The following CD80 variants were observed in gnomAD, a reference collection of about 807,000 sequenced individuals.
CD80 encodes the protein T-lymphocyte activation antigen CD80.
Under a neutral mutation model 27.1 loss-of-function variants are expected in CD80, and 13 were observed. The observed-to-expected ratio is 0.48, with a 90% CI of 0.31 to 0.76. CD80 has a LOEUF of 0.76. Ranked by LOEUF, CD80 falls within the 30% of genes least tolerant of loss-of-function variation. The probability of loss-of-function intolerance (pLI) is 0.04; values close to 1 mark genes in which losing one functional copy is unlikely to be tolerated. For missense variants in CD80, 277 were observed against 347.9 expected, an observed-to-expected ratio of 0.80 and a Z score of 1.62; for synonymous variants, 125 against 125.5, an observed-to-expected ratio of 1.00 and a Z score of 0.03.
chr3:119,527,485 TAATG>T, intron 6 of CD80: 1 of 436,214 alleles, frequency 2.3e-6, no homozygotes, highest in South Asian at 5.0e-5. Context: ...GTTTAATAGA[TAATG>T]AATTGGCTGA....
chr3:119,529,337 C>A (rs540067997), intron 5 of CD80, among the ~76,000 whole-genome samples: 1 of 152,114 alleles, frequency 6.6e-6, no homozygotes, highest in Admixed American at 6.5e-5. Context: ...GAAAATGATT[C>A]TTGGCACCAA....
intron 3 of CD80, among the ~76,000 whole-genome samples, chr3:119,538,777 G>A (rs994631696): frequency 6.6e-6 from 1 of 152,206 alleles, no homozygotes; most frequent in Middle Eastern, 3.2e-3. Context: ...GATGGGGAGA[G>A]AGAAAACATA....
intron 4 of CD80, among the ~76,000 whole-genome samples, chr3:119,533,115 C>G (rs2082118740): frequency 6.6e-6 from 1 of 152,190 alleles, no homozygotes; most frequent in Non-Finnish European, 1.5e-5. Context: ...CACACCCATC[C>G]ACAAGCCTCA....
chr3:119,549,308 A>ATCATG (rs1560057959), intron 2 of CD80, among the ~76,000 whole-genome samples: 5 of 152,168 alleles, frequency 3.3e-5, no homozygotes, highest in African/African-American at 1.2e-4. Flanking sequence ...GCCAAGAAAT[A>ATCATG]TCAGCATATC....
chr3:119,529,472 T>TA (rs376625609), intron 5 of CD80, among the ~76,000 whole-genome samples: 1 of 151,776 alleles, frequency 6.6e-6, no homozygotes, highest in South Asian at 2.1e-4. Flanking sequence ...GACTAGCCCT[T>TA]AAAAAAAAAT....
intron 2 of CD80, among the ~76,000 whole-genome samples, chr3:119,552,112 A>C (rs1225652934): frequency 6.6e-6 from 1 of 152,184 alleles, no homozygotes; most frequent in Non-Finnish European, 1.5e-5. Flanking sequence ...TCCTGCTCTG[A>C]CCACTTCAAC....
intron 2 of CD80, among the ~76,000 whole-genome samples, chr3:119,555,662 C>A (rs1218988396): frequency 2.6e-5 from 4 of 152,236 alleles, no homozygotes; most frequent in African/African-American, 4.8e-5. Context: ...CTGTGCCCTG[C>A]CTTCAAAGCA....
intron 4 of CD80, among the ~76,000 whole-genome samples, chr3:119,535,281 A>G (rs2107741411): frequency 6.6e-6 from 1 of 152,320 alleles, no homozygotes; most frequent in Non-Finnish European, 1.5e-5. Flanking sequence ...AAAATAAATT[A>G]TCCACTTCGC....
At chr3:119,543,455 T>G in intron 3 of CD80, among the ~76,000 whole-genome samples, 1 of 150,366 alleles carries the variant, frequency 6.7e-6, no homozygotes. Flanking sequence ...CCCTCCTCTG[T>G]AGTCTACTTT....
At chr3:119,541,807 A>T (rs906260827) in intron 3 of CD80, among the ~76,000 whole-genome samples, 1 of 152,160 alleles carries the variant, frequency 6.6e-6, no homozygotes, top group Admixed American at 6.5e-5. Context: ...GATTTTGTCC[A>T]CCCACACACC....
intron 4 of CD80, among the ~76,000 whole-genome samples, chr3:119,534,660 C>T (rs939832940): frequency 2.0e-5 from 3 of 152,092 alleles, no homozygotes; most frequent in Non-Finnish European, 2.9e-5. Context: ...ATAATCAGTA[C>T]TCTACTGTTT....
intron 2 of CD80, among the ~76,000 whole-genome samples, chr3:119,555,406 A>G (rs1200647649): frequency 1.3e-5 from 2 of 152,334 alleles, no homozygotes; most frequent in Non-Finnish European, 2.9e-5. Flanking sequence ...CTGTGCTAGA[A>G]ACTGCAATTT....
intron 2 of CD80, among the ~76,000 whole-genome samples, chr3:119,552,549 A>G (rs926326166): frequency 6.8e-6 from 1 of 148,046 alleles, no homozygotes; most frequent in Non-Finnish European, 1.5e-5. Context: ...AGGACCTCTC[A>G]AGGGCTCAAT....
intron 6 of CD80, among the ~76,000 whole-genome samples, chr3:119,526,243 G>C (rs956412254): frequency 6.6e-6 from 1 of 152,126 alleles, no homozygotes; most frequent in Non-Finnish European, 1.5e-5. Flanking sequence ...AACCTATGCT[G>C]GTGGTATGAG....
At chr3:119,534,372 CAAA>C (rs59153952) in intron 4 of CD80, among the ~76,000 whole-genome samples, 1 of 97,986 alleles carries the variant, frequency 1.0e-5, no homozygotes, top group African/African-American at 4.5e-5. Flanking sequence ...AACTCTGTCT[CAAA>C]AAAAAAAAAA....
At chr3:119,526,911 T>C (rs1577105849) in intron 6 of CD80, among the ~76,000 whole-genome samples, 1 of 152,198 alleles carries the variant, frequency 6.6e-6, no homozygotes, top group South Asian at 2.1e-4. Flanking sequence ...GGACCTGATA[T>C]CAGTCTCTTG....
At chr3:119,540,714 A>G (rs1303873305) in intron 3 of CD80, among the ~76,000 whole-genome samples, 1 of 152,206 alleles carries the variant, frequency 6.6e-6, no homozygotes, top group African/African-American at 2.4e-5. Context: ...TTTCTGGGAA[A>G]TAAACTACAG....
intron 3 of CD80, among the ~76,000 whole-genome samples, chr3:119,541,180 C>T (rs909751954): frequency 1.3e-5 from 2 of 152,114 alleles, no homozygotes; most frequent in Admixed American, 6.6e-5. Context: ...CAATCAAAGA[C>T]GTTGTAAGAC....
In CD80 at chr3:119,537,377, T is replaced by G. The variant is rs577822376; in HGVS notation, c.460A>C (p.Thr154Pro). 9.0e-5 allele frequency: 145 copies of G among 1,611,692 alleles called. 2 individuals carry two copies. The South Asian group carries it at 1.1e-3, about 13-fold the overall frequency. Residue 154 changes from threonine to proline, a missense_variant, in exon 4 of 7, where the codon ACT becomes CCT. By Grantham distance (38) the Thr-to-Pro change is conservative. Coordinates refer to ENST00000264246, the MANE Select transcript of CD80 (RefSeq NM_005191.4). ...TPSISDFEIP[T>P]SNIRRIICST... is the part of the protein sequence containing the mutation. The stretch of plus-strand genomic sequence containing the variant: ...CAAATTATCCTTCTAATATTAGAAG[T>G]TGGAATTTCAAAGTCAGATATACTA...
Sources: gnomAD v4.1 joint callset for allele counts (sites outside exome capture counted in the v4.1 genomes callset) on GRCh38, gnomAD v4.1.1 for gene constraint, MANE v1.5 for transcripts, NCBI Gene and HGNC (gene_info 2026-07-23, HGNC 2026-07-21) for gene names.